The following ANKRD44 variants were observed in gnomAD, a reference collection of about 807,000 sequenced individuals.
The protein encoded by ANKRD44 is serine/threonine-protein phosphatase 6 regulatory ankyrin repeat subunit B.
A neutral mutation model predicts 116.0 loss-of-function variants in ANKRD44; 35 were observed. The observed-to-expected ratio is 0.30, with a 90% CI of 0.23 to 0.40. The LOEUF (loss-of-function observed/expected upper bound fraction) is 0.40, where lower values mean the gene tolerates loss of function less well. ANKRD44 is among the 10% of genes least tolerant of loss of function. The pLI is 1.00. For synonymous variants in ANKRD44, 435 were observed against 461.8 expected (o/e 0.94, Z 0.74); for missense variants, 1,014 against 1,242.6 (o/e 0.82, Z 2.77).
At chr2:197,222,820 A>T (rs907538181) in intron 1 of ANKRD44, among the ~76,000 whole-genome samples, 79 of 146,972 alleles carry the variant, frequency 5.4e-4, no homozygotes, top group East Asian at 9.7e-4. Context: ...TTATTTATTT[A>T]TTTTTTTTTT....
Position 196,993,742 on chromosome 2 carries a change from C to T in ANKRD44, c.2832-68G>A, listed in dbSNP as rs2075962297. ...GGTGAGAATGTGGAATTTTTGTTAG[C>T]CCATGTCACTAAAAGGAAGAAGTAC... On this transcript the variant is annotated intron_variant, in intron 26 of 27. Coordinates refer to ENST00000282272, the MANE Select transcript of ANKRD44 (RefSeq NM_001195144.2). 4.6e-6 allele frequency: 6 copies of T among 1,293,022 alleles called. No individual in the cohort carries two copies. The Admixed American group carries it at 1.2e-4, about 26-fold the overall frequency. 80.1% of individuals were successfully genotyped at this position (1,293,022 alleles called of 1,614,324 possible).
chr2:197,131,069 T>C (rs1203032034), intron 4 of ANKRD44, among the ~76,000 whole-genome samples: 1 of 152,224 alleles, frequency 6.6e-6, no homozygotes, highest in Non-Finnish European at 1.5e-5. Context: ...CCCTACTAAC[T>C]TTCTGAGATT....
chr2:197,170,910 G>T (rs1017149443), intron 2 of ANKRD44, among the ~76,000 whole-genome samples: 1 of 152,154 alleles, frequency 6.6e-6, no homozygotes, highest in African/African-American at 2.4e-5. Flanking sequence ...GGGTGGTGGA[G>T]ATTCCCTGAT....
intron 2 of ANKRD44, among the ~76,000 whole-genome samples, chr2:197,169,814 ACT>A (rs1356875303): frequency 2.0e-5 from 3 of 151,966 alleles, no homozygotes; most frequent in Non-Finnish European, 2.9e-5. Flanking sequence ...TATTCCAGAG[ACT>A]CTAATTCTAG....
intron 2 of ANKRD44, among the ~76,000 whole-genome samples, chr2:197,156,208 T>C (rs577464883): frequency 2.0e-4 from 31 of 152,196 alleles, no homozygotes; most frequent in Non-Finnish European, 3.4e-4. Flanking sequence ...TAGCCGGGCG[T>C]GGTGTCAGGC....
At chr2:197,277,292 A>G (rs985526978) in intron 1 of ANKRD44, among the ~76,000 whole-genome samples, 7 of 152,064 alleles carry the variant, frequency 4.6e-5, no homozygotes, top group African/African-American at 2.4e-5. Context: ...TCCCTAGCCT[A>G]GAGGTGCTCA....
At chr2:197,307,280 A>G (rs1224946661) in intron 1 of ANKRD44, among the ~76,000 whole-genome samples, 3 of 152,246 alleles carry the variant, frequency 2.0e-5, no homozygotes, top group African/African-American at 7.2e-5. Flanking sequence ...TATTATATTA[A>G]TGACATAGTT....
At chr2:197,246,612 CT>C (rs2082198974) in intron 1 of ANKRD44, among the ~76,000 whole-genome samples, 1 of 151,944 alleles carries the variant, frequency 6.6e-6, no homozygotes, top group African/African-American at 2.4e-5. Flanking sequence ...TCCCAACCCC[CT>C]ATGCAATCTT....
chr2:197,151,081 C>CT (rs548163806), intron 2 of ANKRD44, among the ~76,000 whole-genome samples: 20,202 of 132,612 alleles, frequency 0.15, 1,583 homozygotes, highest in Middle Eastern at 0.21. Context: ...TGGGAATTTA[C>CT]TTTTTTTTTT....
intron 16 of ANKRD44, among the ~76,000 whole-genome samples, chr2:197,062,171 A>C (rs1381572627): frequency 6.6e-6 from 1 of 152,184 alleles, no homozygotes; most frequent in Admixed American, 6.5e-5. Context: ...ATCCTAAATT[A>C]GGTAGCTAAT....
intron 1 of ANKRD44, among the ~76,000 whole-genome samples, chr2:197,230,349 G>T (rs1046571036): frequency 1.3e-5 from 2 of 151,990 alleles, no homozygotes; most frequent in African/African-American, 4.8e-5. Flanking sequence ...TTCTGCTTGG[G>T]TTGTAACCAG....
intron 12 of ANKRD44, among the ~76,000 whole-genome samples, chr2:197,087,252 C>G (rs922938018): frequency 6.6e-6 from 1 of 152,194 alleles, no homozygotes; most frequent in Non-Finnish European, 1.5e-5. Context: ...ATTTCCCTGT[C>G]TTTGTAATTT....
chr2:197,022,490 C>T (rs2076516167), intron 17 of ANKRD44, among the ~76,000 whole-genome samples: 1 of 152,154 alleles, frequency 6.6e-6, no homozygotes, highest in African/African-American at 2.4e-5. Context: ...TGGTGGCCCC[C>T]CAAACTCCTG....
intron 10 of ANKRD44, among the ~76,000 whole-genome samples, chr2:197,098,916 C>A (rs1363639707): frequency 6.6e-6 from 1 of 152,178 alleles, no homozygotes; most frequent in Non-Finnish European, 1.5e-5. Flanking sequence ...GGCTCCCAAC[C>A]ACCCTGGGTC....
chr2:197,218,555 T>C (rs959474528), intron 1 of ANKRD44, among the ~76,000 whole-genome samples: 2 of 152,044 alleles, frequency 1.3e-5, no homozygotes, highest in Admixed American at 6.6e-5. Context: ...ACTTTCTCCA[T>C]AAAGCCACCC....
intron 27 of ANKRD44, among the ~76,000 whole-genome samples, chr2:196,992,290 CT>C (rs973881366): frequency 2.6e-5 from 4 of 152,174 alleles, no homozygotes; most frequent in African/African-American, 9.7e-5. Flanking sequence ...GACATCATTC[CT>C]TTTTCTGGTA....
intron 13 of ANKRD44, among the ~76,000 whole-genome samples, chr2:197,085,644 T>C (rs1445349990): frequency 6.6e-6 from 1 of 152,036 alleles, no homozygotes; most frequent in African/African-American, 2.4e-5. Flanking sequence ...CATGGCAACA[T>C]CAGGAAGTTA....
chr2:196,970,488 T>C (rs543505706), intron 21 of ANKRD44, among the ~76,000 whole-genome samples: 4 of 152,324 alleles, frequency 2.6e-5, no homozygotes, highest in South Asian at 2.1e-4. Flanking sequence ...ATGGCTCTTA[T>C]TGGAGCATCT....
intron 1 of ANKRD44, among the ~76,000 whole-genome samples, chr2:197,269,031 TCCAAC>T (rs1330468371): frequency 2.0e-5 from 3 of 152,038 alleles, no homozygotes; most frequent in African/African-American, 7.2e-5. Flanking sequence ...TCAAAAAAAG[TCCAAC>T]ATTTCCATGA....
Sources: gnomAD v4.1 joint callset for allele counts (sites outside exome capture counted in the v4.1 genomes callset) on GRCh38, gnomAD v4.1.1 for gene constraint, MANE v1.5 for transcripts, NCBI Gene and HGNC (gene_info 2026-07-23, HGNC 2026-07-21) for gene names.